SLC25A13: variants seen among roughly 807,000 people sequenced by gnomAD.
SLC25A13 encodes electrogenic aspartate/glutamate antiporter SLC25A13, mitochondrial.
In SLC25A13, 70 loss-of-function variants were observed where a neutral mutation model predicts 85.5. That is an observed-to-expected ratio of 0.82 (90% CI 0.68 to 1.00). The LOEUF (loss-of-function observed/expected upper bound fraction) is 1.00. SLC25A13 is among the 50% of genes least tolerant of loss of function. The pLI is 0.00. For missense variants in SLC25A13, 765 were observed against 819.8 expected, an observed-to-expected ratio of 0.93 and a Z score of 0.82; for synonymous variants, 259 against 288.7, an observed-to-expected ratio of 0.90 and a Z score of 1.04.
chr7:96,256,280 G>C (rs1584520202), intron 3 of SLC25A13, among the ~76,000 whole-genome samples: 1 of 152,244 alleles, frequency 6.6e-6, no homozygotes, highest in East Asian at 1.9e-4. Flanking sequence ...CTGGCAAATG[G>C]GATAAAGAGT....
rs551700335 is a variant in SLC25A13, at chr7:96,266,082, C to T, written c.212+11114G>A. Among the ~76,000 whole-genome samples the T allele has an allele frequency of 6.6e-5, 10 of 152,336 alleles. No individual in the cohort carries two copies. The East Asian group carries it at 1.5e-3, about 23-fold the overall frequency. On this transcript the variant is annotated intron_variant, in intron 3 of 17. Transcript: ENST00000265631. ...TTTTGGAGGGACATCAATGTTCAGA[C>T]AAAACCTTATTTGCTGTTAAGACAC...
At chr7:96,293,265 T>C (rs1336898285) in intron 2 of SLC25A13, among the ~76,000 whole-genome samples, 2 of 152,164 alleles carry the variant, frequency 1.3e-5, no homozygotes, top group Non-Finnish European at 2.9e-5. Flanking sequence ...TTACACCTTA[T>C]ACAAAAATTA....
At chr7:96,148,412 T>A (rs1362567282) in intron 13 of SLC25A13, among the ~76,000 whole-genome samples, 1 of 152,216 alleles carries the variant, frequency 6.6e-6, no homozygotes, top group Non-Finnish European at 1.5e-5. Context: ...CGTGAGTGTT[T>A]TGTGAATTTG....
At chr7:96,293,178 G>GA (rs759108200) in intron 2 of SLC25A13, among the ~76,000 whole-genome samples, 1 of 152,080 alleles carries the variant, frequency 6.6e-6, no homozygotes, top group African/African-American at 2.4e-5. Flanking sequence ...AAGAAATGGG[G>GA]AAGGATTCCC....
intron 4 of SLC25A13, among the ~76,000 whole-genome samples, chr7:96,227,746 T>A (rs905584834): frequency 6.6e-6 from 1 of 152,196 alleles, no homozygotes; most frequent in South Asian, 2.1e-4. Flanking sequence ...CCTTTACCTT[T>A]AGTACCATGC....
chr7:96,296,222 T>A (rs1366548347), intron 2 of SLC25A13, among the ~76,000 whole-genome samples: 1 of 152,000 alleles, frequency 6.6e-6, no homozygotes, highest in Non-Finnish European at 1.5e-5. Context: ...GACAGTATAG[T>A]CCCATGGATG....
chr7:96,270,648 T>C (rs1241889370), intron 3 of SLC25A13, among the ~76,000 whole-genome samples: 1 of 151,770 alleles, frequency 6.6e-6, no homozygotes, highest in Non-Finnish European at 1.5e-5. Flanking sequence ...GAGGATAGCC[T>C]GAGCCTAGGA....
intron 3 of SLC25A13, among the ~76,000 whole-genome samples, chr7:96,259,703 T>C (rs1170625554): frequency 6.6e-6 from 1 of 152,228 alleles, no homozygotes. Context: ...ATCTCATTAC[T>C]GGGTATATAC....
chr7:96,147,785 T>C (rs77748405), intron 13 of SLC25A13, among the ~76,000 whole-genome samples: 1,761 of 152,246 alleles, frequency 0.012, 16 homozygotes, highest in Non-Finnish European at 0.019. Flanking sequence ...CAGTGAAAAA[T>C]GTTCAATATA....
At position 96,164,527 on chromosome 7, in the gene SLC25A13, C is replaced by T. The variant is rs557921675; in HGVS notation, c.1311+5518G>A. ...AAAGTTGCTATCTAAATTTTATAGA[C>T]AAGAAAGCTGCAACTCAGAGAAGTC... On this transcript the variant is annotated intron_variant, in intron 13 of 17. Coordinates refer to ENST00000265631, the MANE Select transcript of SLC25A13 (RefSeq NM_014251.3). Among the ~76,000 whole-genome samples the T allele has an allele frequency of 2.6e-5, 4 of 152,278 alleles. No homozygotes were observed. In the South Asian group the frequency reaches 8.3e-4, roughly 32 times the overall value.
rs1406025501 is a variant in SLC25A13 at position 96,196,949 on chromosome 7, G to C, written c.469-3766C>G. ...ATTATGCAGCAGGCACTGCTGTAAA[G>C]CATTTTACAGGAATTAATTCATGGA... On this transcript the variant is annotated intron_variant, in intron 5 of 17. Coordinates refer to ENST00000265631, the MANE Select transcript of SLC25A13 (RefSeq NM_014251.3). Among the ~76,000 whole-genome samples the C allele has an allele frequency of 3.9e-5, 6 of 152,162 alleles. No individual in the cohort carries two copies. In the East Asian group the frequency reaches 1.2e-3, roughly 29 times the overall value.
intron 11 of SLC25A13, among the ~76,000 whole-genome samples, chr7:96,179,945 T>C (rs547219977): frequency 1.3e-5 from 2 of 152,184 alleles, no homozygotes; most frequent in Non-Finnish European, 2.9e-5. Flanking sequence ...CTCCCTTTTA[T>C]AGTACCATCA....
intron 13 of SLC25A13, among the ~76,000 whole-genome samples, chr7:96,169,286 G>A (rs577255477): frequency 6.6e-6 from 1 of 152,124 alleles, no homozygotes; most frequent in South Asian, 2.1e-4. Flanking sequence ...TTAAAAAAGT[G>A]ACTTCATCTT....
chr7:96,154,795 C>CTTTTTTTTTTTT (rs199642402), intron 13 of SLC25A13, among the ~76,000 whole-genome samples: 1 of 122,328 alleles, frequency 8.2e-6, no homozygotes, highest in African/African-American at 3.5e-5. Context: ...ATTTCAGCAT[C>CTTTTTTTTTTTT]TTTTTCTTTT....
intron 3 of SLC25A13, among the ~76,000 whole-genome samples, chr7:96,257,434 C>T (rs1386326905): frequency 1.3e-5 from 2 of 152,174 alleles, no homozygotes; most frequent in African/African-American, 4.8e-5. Context: ...ATATTATAAA[C>T]ACTTCCACAC....
chr7:96,160,435 C>T (rs1472121219), intron 13 of SLC25A13, among the ~76,000 whole-genome samples: 10 of 152,192 alleles, frequency 6.6e-5, no homozygotes, highest in African/African-American at 1.7e-4. Context: ...TCATAGACTA[C>T]GTGGCTTATA....
intron 1 of SLC25A13, among the ~76,000 whole-genome samples, chr7:96,301,570 A>G (rs1486641067): frequency 6.6e-6 from 1 of 152,094 alleles, no homozygotes; most frequent in Non-Finnish European, 1.5e-5. Flanking sequence ...ATTTTGTTGA[A>G]ATTTGATAAC....
intron 11 of SLC25A13, among the ~76,000 whole-genome samples, chr7:96,183,794 T>C (rs1794511261): frequency 6.6e-6 from 1 of 152,114 alleles, no homozygotes; most frequent in South Asian, 2.1e-4. Context: ...GTGAATCAAC[T>C]CCATTGGGTT....
At chr7:96,294,174 G>A (rs894293599) in intron 2 of SLC25A13, among the ~76,000 whole-genome samples, 7 of 151,210 alleles carry the variant, frequency 4.6e-5, no homozygotes, top group Non-Finnish European at 4.4e-5. Context: ...GCAAACTATC[G>A]CAAGAACAAA....
Sources: allele counts gnomAD v4.1 joint callset (sites outside exome capture counted in the v4.1 genomes callset), GRCh38; gene constraint gnomAD v4.1.1; transcripts MANE v1.5; gene names NCBI Gene and HGNC (gene_info 2026-07-23, HGNC 2026-07-21).